Variants in ARHGAP21 observed in about 807,000 individuals in gnomAD.
ARHGAP21 encodes the protein Rho GTPase activating protein 21.
Under a neutral mutation model 164.6 loss-of-function variants are expected in ARHGAP21, and 38 were observed. The observed-to-expected ratio is 0.23, with a 90% CI of 0.18 to 0.30. ARHGAP21 has a LOEUF of 0.30. Ranked by LOEUF, ARHGAP21 falls within the 10% of genes least tolerant of loss-of-function variation. The pLI is 1.00. For missense variants in ARHGAP21, 1,822 were observed against 2,370.7 expected, an observed-to-expected ratio of 0.77 and a Z score of 4.81; for synonymous variants, 766 against 857.9, an observed-to-expected ratio of 0.89 and a Z score of 1.87.
At chr10:24,680,475 TA>T (rs1389118398) in intron 2 of ARHGAP21, among the ~76,000 whole-genome samples, 2 of 152,192 alleles carry the variant, frequency 1.3e-5, no homozygotes, top group African/African-American at 4.8e-5. Flanking sequence ...ATTGAGCTGC[TA>T]TGTCTTGTTT....
intron 9 of ARHGAP21, among the ~76,000 whole-genome samples, chr10:24,616,348 C>T (rs773431460): frequency 6.6e-6 from 1 of 152,188 alleles, no homozygotes; most frequent in African/African-American, 2.4e-5. Context: ...TGTCATATCA[C>T]CACTGGCACT....
intron 7 of ARHGAP21, among the ~76,000 whole-genome samples, chr10:24,624,283 C>A (rs1322063468): frequency 6.6e-6 from 1 of 151,072 alleles, no homozygotes; most frequent in African/African-American, 2.4e-5. Context: ...CCATTTTTTT[C>A]CCCAGAGATT....
chr10:24,643,701 A>G (rs1837296962), intron 4 of ARHGAP21, among the ~76,000 whole-genome samples: 1 of 152,174 alleles, frequency 6.6e-6, no homozygotes, highest in Admixed American at 6.5e-5. Flanking sequence ...ATTCCAAAAT[A>G]CACCTGCTCT....
rs1840590568 is a variant in ARHGAP21 at position 24,670,405 on chromosome 10, G to A, written c.64-8C>T. ...ATCTTTATTTTTTGAGACCTAAAGT[G>A]AAAAGATATTTAAAAGTTAACTACA... On this transcript the variant is annotated splice_region_variant and splice_polypyrimidine_tract_variant and intron_variant, in intron 2 of 25. Coordinates refer to ENST00000396432, the MANE Select transcript of ARHGAP21 (RefSeq NM_020824.4). 5.1e-6 allele frequency: 8 copies of A among 1,567,302 alleles called. No individual in the cohort carries two copies. Among genetic ancestry groups the A allele is most frequent in the Non-Finnish European group, 5.2e-6 (6 of 1,154,518 alleles).
intron 4 of ARHGAP21, among the ~76,000 whole-genome samples, chr10:24,664,180 G>A (rs1392475028): frequency 6.6e-6 from 1 of 152,176 alleles, no homozygotes; most frequent in African/African-American, 2.4e-5. Context: ...TTAGAATAAT[G>A]TGTATCCTTA....
rs375781801 is a variant in ARHGAP21, at chr10:24,682,319, G to T, written c.64-11922C>A. ...GATGGAAAAACAGGCTTGCTGTGAG[G>T]AATTTGTCAAAAATACACAGCTAAT... On this transcript the variant is annotated intron_variant, in intron 2 of 25. Transcript: ENST00000396432. 6.6e-5 allele frequency among the ~76,000 whole-genome samples: 10 copies of T among 152,256 alleles called. No homozygotes were observed. The South Asian group carries it at 8.3e-4, about 13-fold the overall frequency.
At chr10:24,677,548 T>C (rs760301768) in intron 2 of ARHGAP21, among the ~76,000 whole-genome samples, 22 of 152,212 alleles carry the variant, frequency 1.4e-4, no homozygotes, top group Non-Finnish European at 2.6e-4. Flanking sequence ...AACTAACTTA[T>C]CATAAATCCG....
chr10:24,634,412 A>G (rs1406658905), intron 5 of ARHGAP21, among the ~76,000 whole-genome samples: 5 of 152,204 alleles, frequency 3.3e-5, no homozygotes, highest in Admixed American at 3.3e-4. Flanking sequence ...TAAAAAACAA[A>G]AGAAAAGAGT....
chr10:24,721,165 A>C (rs889977686), intron 2 of ARHGAP21, among the ~76,000 whole-genome samples: 1 of 152,120 alleles, frequency 6.6e-6, no homozygotes, highest in African/African-American at 2.4e-5. Context: ...AACGCAACCC[A>C]CCTGACACCC....
chr10:24,688,703 G>A lies in ARHGAP21; in HGVS notation c.64-18306C>T, dbSNP rs149861824. Among the ~76,000 whole-genome samples the A allele has an allele frequency of 1.5e-3, 230 of 152,278 alleles. 5 individuals carry two copies. The East Asian group carries it at 0.038, about 25-fold the overall frequency. On this transcript the variant is annotated intron_variant, in intron 2 of 25. Transcript: ENST00000396432. ...TCACCCATTTACTCATTAGTTCTCA[G>A]TGAAGGTTGACTGTCATAGTCTGCT...
At chr10:24,654,078 C>A (rs1023844002) in intron 4 of ARHGAP21, among the ~76,000 whole-genome samples, 18 of 152,116 alleles carry the variant, frequency 1.2e-4, no homozygotes, top group African/African-American at 2.7e-4. Context: ...ATTCAACAGC[C>A]CTTCATGCTA....
chr10:24,682,078 A>G (rs1258513930), intron 2 of ARHGAP21, among the ~76,000 whole-genome samples: 1 of 152,128 alleles, frequency 6.6e-6, no homozygotes, highest in Admixed American at 6.6e-5. Context: ...GGATTAAAAC[A>G]GTACCAGCCA....
intron 2 of ARHGAP21, among the ~76,000 whole-genome samples, chr10:24,686,003 T>G (rs1486364621): frequency 6.6e-6 from 1 of 152,246 alleles, no homozygotes; most frequent in Non-Finnish European, 1.5e-5. Flanking sequence ...ACAATCTTCC[T>G]ATAAACCTAC....
intron 2 of ARHGAP21, among the ~76,000 whole-genome samples, chr10:24,708,625 T>C (rs1593362362): frequency 6.6e-6 from 1 of 152,222 alleles, no homozygotes; most frequent in Non-Finnish European, 1.5e-5. Context: ...TTCCACTCTC[T>C]ACACCCATGT....
At chr10:24,591,564 A>G (rs2076332814) in intron 23 of ARHGAP21, 78 bp downstream of exon 23, 1 of 1,536,274 alleles carries the variant, frequency 6.5e-7, no homozygotes, top group East Asian at 2.3e-5. Context: ...CAAAGCAGGA[A>G]GTTGACATTG....
rs1343470171 is a variant in ARHGAP21, at chr10:24,701,900, C to T, written c.63+19937G>A. Among the ~76,000 whole-genome samples, 8 of 152,150 alleles carry T rather than the reference C, an allele frequency of 5.3e-5. No individual in the cohort carries two copies. In the South Asian group the frequency reaches 1.2e-3, roughly 24 times the overall value. ...CCCATGCTTGATGCTCCCCAGTATT[C>T]CTTCTGAGTTCCCTATGTATGTGGC... On this transcript the variant is annotated intron_variant, in intron 2 of 25. Transcript: ENST00000396432.
chr10:24,613,463 C>CT (rs1306591559), intron 9 of ARHGAP21, among the ~76,000 whole-genome samples: 1 of 152,156 alleles, frequency 6.6e-6, no homozygotes, highest in Non-Finnish European at 1.5e-5. Flanking sequence ...GACCAAGTTT[C>CT]TTTAATGGTC....
intron 4 of ARHGAP21, among the ~76,000 whole-genome samples, chr10:24,656,192 C>T (rs1448967543): frequency 2.1e-5 from 3 of 141,684 alleles, no homozygotes; most frequent in African/African-American, 5.5e-5. Context: ...CCCGGCCAGC[C>T]GCCCCATCCG....
intron 24 of ARHGAP21, chr10:24,590,127 T>G (rs140480388): frequency 0.013 from 16,008 of 1,250,096 alleles, 154 homozygotes; most frequent in Non-Finnish European, 0.014. Context: ...TTTTCAGAAT[T>G]AATGAGCTGA....
Sources: gnomAD v4.1 joint callset for allele counts (sites outside exome capture counted in the v4.1 genomes callset) on GRCh38, gnomAD v4.1.1 for gene constraint, MANE v1.5 for transcripts, NCBI Gene and HGNC (gene_info 2026-07-23, HGNC 2026-07-21) for gene names.